Variants in PACRG observed in about 807,000 individuals in gnomAD.
The protein encoded by PACRG is parkin coregulated, also known as parkin coregulated gene protein.
PACRG carries 29 observed loss-of-function variants against 29.7 expected under a neutral mutation model. The observed-to-expected ratio is 0.98, with a 90% CI of 0.73 to 1.33. The LOEUF is 1.33. PACRG is among the 40% of genes most tolerant of loss of function. PACRG has a pLI of 0.00. For missense variants in PACRG, 279 were observed against 316.2 expected (o/e 0.88, Z 0.89); for synonymous variants, 116 against 118.7 (o/e 0.98, Z 0.15).
intron 4 of PACRG, among the ~76,000 whole-genome samples, chr6:163,216,969 A>G (rs1289508858): frequency 1.3e-5 from 2 of 152,218 alleles, no homozygotes; most frequent in Admixed American, 6.5e-5. Context: ...TACTTGCTGT[A>G]TCTACAGAAT....
intron 4 of PACRG, among the ~76,000 whole-genome samples, chr6:163,303,054 G>A (rs1433163861): frequency 6.6e-6 from 1 of 152,306 alleles, no homozygotes; most frequent in Admixed American, 6.5e-5. Context: ...GAGATGAGCA[G>A]GGTGAGGGGG....
At chr6:163,181,913 C>A (rs1384684063) in intron 4 of PACRG, among the ~76,000 whole-genome samples, 1 of 152,136 alleles carries the variant, frequency 6.6e-6, no homozygotes, top group East Asian at 1.9e-4. Flanking sequence ...TCCACCACGC[C>A]CCCAGAATAC....
chr6:163,032,643 C>G (rs896738612), intron 2 of PACRG, among the ~76,000 whole-genome samples: 15 of 152,148 alleles, frequency 9.9e-5, no homozygotes, highest in Admixed American at 7.2e-4. Context: ...ATACCAATAA[C>G]ATTTATACAA....
At chr6:162,865,178 G>T (rs1177882115) in intron 2 of PACRG, among the ~76,000 whole-genome samples, 1 of 152,112 alleles carries the variant, frequency 6.6e-6, no homozygotes, top group African/African-American at 2.4e-5. Context: ...AATGATAATT[G>T]GCATATACTG....
chr6:163,300,933 A>G (rs147226033), intron 4 of PACRG, among the ~76,000 whole-genome samples: 4,381 of 51,534 alleles, frequency 0.085, 47 homozygotes, highest in Middle Eastern at 0.19. Context: ...GGCCACATCC[A>G]CTGCTTCCCG....
intron 2 of PACRG, among the ~76,000 whole-genome samples, chr6:162,906,043 A>T (rs1447547247): frequency 6.6e-6 from 1 of 152,098 alleles, no homozygotes; most frequent in Non-Finnish European, 1.5e-5. Context: ...ACAGAAAAAA[A>T]GGGGGGGAAA....
In PACRG at chr6:163,269,937, AAG is replaced by A. The variant is rs1358935454; in HGVS notation, c.614-44888_614-44887del. On this transcript the variant is annotated intron_variant, in intron 4 of 4. Transcript: ENST00000366888. ...AAGAAAGAAAGAAAGAAAACAAAGA[AAG>A]AAAGAAAGAAAGAAAGAAAGAAAGA... Among the ~76,000 whole-genome samples the A allele has an allele frequency of 1.7e-4, 4 of 23,056 alleles. 1 individual carries two copies. The East Asian group carries it at 2.7e-3, about 16-fold the overall frequency. 15.1% of individuals were successfully genotyped at this position (23,056 alleles called of 152,430 possible).
intron 1 of PACRG, among the ~76,000 whole-genome samples, chr6:162,792,092 T>A (rs1784998521): frequency 6.6e-6 from 1 of 152,020 alleles, no homozygotes; most frequent in South Asian, 2.1e-4. Context: ...CATGGCCAAT[T>A]GAATGGAGTA....
chr6:162,866,246 G>A (rs1792287988), intron 2 of PACRG, among the ~76,000 whole-genome samples: 1 of 152,178 alleles, frequency 6.6e-6, no homozygotes, highest in African/African-American at 2.4e-5. Context: ...TACTTTTGGT[G>A]AGAGAAATTG....
intron 2 of PACRG, among the ~76,000 whole-genome samples, chr6:163,059,822 T>C (rs471067): frequency 0.31 from 46,638 of 152,030 alleles, 7,926 homozygotes; most frequent in East Asian, 0.66. Context: ...ATCACAAACA[T>C]TGGTGTTATT....
At chr6:162,806,343 G>A (rs1786325107) in intron 1 of PACRG, among the ~76,000 whole-genome samples, 1 of 151,372 alleles carries the variant, frequency 6.6e-6, no homozygotes, top group South Asian at 2.1e-4. Context: ...CCTGACCTCA[G>A]GTGATCCACC....
chr6:163,247,482 A>G (rs929120575), intron 4 of PACRG, among the ~76,000 whole-genome samples: 6 of 152,196 alleles, frequency 3.9e-5, no homozygotes, highest in African/African-American at 1.4e-4. Flanking sequence ...CAAAATTGTC[A>G]TCATGATGGA....
intron 4 of PACRG, chr6:163,095,309 C>T (rs187791925): frequency 2.4e-5 from 24 of 985,186 alleles, no homozygotes; most frequent in African/African-American, 1.6e-4. Flanking sequence ...CTGTAAATTA[C>T]GTCTCTATGT....
chr6:162,925,000 A>G (rs965136642), intron 2 of PACRG, among the ~76,000 whole-genome samples: 1 of 152,156 alleles, frequency 6.6e-6, no homozygotes, highest in Non-Finnish European at 1.5e-5. Flanking sequence ...CACTGACCCC[A>G]CAGAAATACC....
chr6:163,007,923 T>C (rs753357352), intron 2 of PACRG, among the ~76,000 whole-genome samples: 8 of 152,160 alleles, frequency 5.3e-5, no homozygotes, highest in Non-Finnish European at 1.0e-4. Flanking sequence ...CAGTGTGACC[T>C]CAGCTGAGCC....
At chr6:162,809,454 AG>A (rs1343318524) in intron 1 of PACRG, among the ~76,000 whole-genome samples, 1 of 152,224 alleles carries the variant, frequency 6.6e-6, no homozygotes, top group African/African-American at 2.4e-5. Context: ...ATGGAAGTGC[AG>A]GCATGGAATC....
chr6:163,171,452 T>C (rs190157627), intron 4 of PACRG, among the ~76,000 whole-genome samples: 1 of 152,306 alleles, frequency 6.6e-6, no homozygotes, highest in Admixed American at 6.5e-5. Context: ...GTATGACTGT[T>C]CTGCCCATTT....
chr6:163,202,209 A>C (rs1780730462), intron 4 of PACRG, among the ~76,000 whole-genome samples: 1 of 152,120 alleles, frequency 6.6e-6, no homozygotes, highest in Admixed American at 6.5e-5. Context: ...TCCACTGGTC[A>C]GGGGTGGGAG....
At chr6:163,178,384 G>C (rs182606262) in intron 4 of PACRG, among the ~76,000 whole-genome samples, 2 of 152,328 alleles carry the variant, frequency 1.3e-5, no homozygotes, top group Non-Finnish European at 1.5e-5. Context: ...GGCAGGGGCG[G>C]ATCTTTTGTC....
Sources: allele counts gnomAD v4.1 joint callset (sites outside exome capture counted in the v4.1 genomes callset), GRCh38; gene constraint gnomAD v4.1.1; transcripts MANE v1.5; gene names NCBI Gene and HGNC (gene_info 2026-07-23, HGNC 2026-07-21).